ERG: variants seen among roughly 807,000 people sequenced by gnomAD.
ERG encodes ETS transcription factor ERG, also known as transcriptional regulator ERG.
In ERG, 9 loss-of-function variants were observed where a neutral mutation model predicts 55.3. That is an observed-to-expected ratio of 0.16 (90% CI 0.10 to 0.28). The LOEUF (loss-of-function observed/expected upper bound fraction) is 0.28. Among genes scored for constraint, ERG ranks in the 10% least tolerant of loss-of-function variants. ERG has a pLI of 1.00. For missense variants in ERG, 434 were observed against 631.6 expected (o/e 0.69, Z 3.35); for synonymous variants, 223 against 237.3 (o/e 0.94, Z 0.55).
At chr21:38,590,993 G>A (rs1445297621) in intron 1 of ERG, among the ~76,000 whole-genome samples, 1 of 152,222 alleles carries the variant, frequency 6.6e-6, no homozygotes, top group Non-Finnish European at 1.5e-5. Context: ...AGGGGCAAAA[G>A]AGTCTAAGTG....
chr21:38,382,600 G>T lies in ERG; in HGVS notation c.*803C>A. On this transcript the variant is annotated 3_prime_UTR_variant, in exon 10 of 10. Transcript: ENST00000288319. The stretch of plus-strand genomic sequence containing the variant: ...AACCCTCGAGTCTCCATAACTCATT[G>T]TACACAGTCCCCAAATGTCCTGAGT... 1 of 1,066,076 alleles carries T rather than the reference G, an allele frequency of 9.4e-7. No homozygotes were observed. The highest frequency in any genetic ancestry group is 1.1e-6 in the Non-Finnish European group (1 of 879,576). The allele number at this position is 1,066,076 out of a possible 1,614,324, so 66.0% of individuals were successfully genotyped here.
intron 1 of ERG, among the ~76,000 whole-genome samples, chr21:38,658,223 GA>G (rs2060531019): frequency 6.6e-6 from 1 of 152,212 alleles, no homozygotes; most frequent in Admixed American, 6.5e-5. Flanking sequence ...TGCATTCAGA[GA>G]GATCAGCTGT....
intron 3 of ERG, among the ~76,000 whole-genome samples, chr21:38,411,776 C>T (rs1288887249): frequency 6.6e-6 from 1 of 152,202 alleles, no homozygotes; most frequent in Non-Finnish European, 1.5e-5. Context: ...TTTAATGTCA[C>T]TGACCTATCA....
chr21:38,620,522 T>C (rs1355052108), intron 1 of ERG, among the ~76,000 whole-genome samples: 4 of 152,156 alleles, frequency 2.6e-5, no homozygotes, highest in South Asian at 4.1e-4. Flanking sequence ...ACAGGTTACA[T>C]TGTCTCACAG....
chr21:38,407,646 T>TATATATATATATATATATATATATATATA lies in ERG; in HGVS notation c.389-3938_389-3937insTATATATATATATATATATATATATATAT, dbSNP rs34894423. Among the ~76,000 whole-genome samples, 220 of 142,574 alleles carry TATATATATATATATATATATATATATATA rather than the reference T, an allele frequency of 1.5e-3. 9 individuals carry two copies. Among genetic ancestry groups the TATATATATATATATATATATATATATATA allele is most frequent in the African/African-American group, 5.7e-3 (214 of 37,394 alleles). The allele number at this position is 142,574 out of a possible 152,430, so 93.5% of individuals were successfully genotyped here. A position where few individuals can be genotyped will look rare whatever the true frequency, so the allele number is the denominator to read the frequency against. Reference sequence around the variant, plus strand: ...GGTCTTACAAAAGGTATATATATATTTAATGTATATTATATGTATACTATA... The same window carrying TATATATATATATATATATATATATATATA: ...GGTCTTACAAAAGGTATATATATATTATATATATATATATATATATATATATATATAATGTATATTATATGTATACTATA... On this transcript the variant is annotated intron_variant, in intron 3 of 9. Transcript: ENST00000288319.
chr21:38,433,721 C>A (rs1044637686), intron 2 of ERG, among the ~76,000 whole-genome samples: 2 of 152,174 alleles, frequency 1.3e-5, no homozygotes, highest in African/African-American at 4.8e-5. Context: ...CAGCCCCAAG[C>A]TCGCTGGCCA....
chr21:38,568,327 C>T (rs1017160307), intron 2 of ERG, among the ~76,000 whole-genome samples: 32 of 152,128 alleles, frequency 2.1e-4, no homozygotes, highest in Admixed American at 2.6e-4. Flanking sequence ...GATAATAAGT[C>T]TCACTGAGTG....
At chr21:38,421,063 G>A (rs1347684859) in intron 3 of ERG, among the ~76,000 whole-genome samples, 2 of 152,060 alleles carry the variant, frequency 1.3e-5, no homozygotes, top group Non-Finnish European at 1.5e-5. Flanking sequence ...CCTAGCCTTC[G>A]AGTTTTTCTT....
At chr21:38,456,678 G>A (rs978591330) in intron 1 of ERG, among the ~76,000 whole-genome samples, 14 of 152,300 alleles carry the variant, frequency 9.2e-5, no homozygotes, top group African/African-American at 2.4e-4. Context: ...GCTGACTTAC[G>A]TAGAAAGAGT....
Position 38,382,526 on chromosome 21 carries a change from G to A in ERG, c.*877C>T, listed in dbSNP as rs181891829. On this transcript the variant is annotated 3_prime_UTR_variant, in exon 10 of 10. Coordinates refer to ENST00000288319, the MANE Select transcript of ERG (RefSeq NM_182918.4). ...CTACTACTTCCCCTTTCTCCATTAC[G>A]CTGTGTCCTTTCTCCTAACACTGGG... 11 of 1,064,772 alleles carry A rather than the reference G, an allele frequency of 1.0e-5. No homozygotes were observed. The highest frequency in any genetic ancestry group is 1.0e-4 in the East Asian group (2 of 19,982). The allele number at this position is 1,064,772 out of a possible 1,614,324, so 66.0% of individuals were successfully genotyped here.
intron 1 of ERG, among the ~76,000 whole-genome samples, chr21:38,576,386 C>T (rs1186990471): frequency 6.6e-6 from 1 of 152,102 alleles, no homozygotes; most frequent in Non-Finnish European, 1.5e-5. Context: ...AGCGACAGAA[C>T]CAAACTTCAA....
At chr21:38,511,268 T>C (rs2059509569) in intron 2 of ERG, among the ~76,000 whole-genome samples, 1 of 152,198 alleles carries the variant, frequency 6.6e-6, no homozygotes, top group Non-Finnish European at 1.5e-5. Context: ...ATTTACTAAA[T>C]CTAAGAGGAA....
chr21:38,454,338 C>T (rs2058968508), intron 1 of ERG, among the ~76,000 whole-genome samples: 1 of 152,152 alleles, frequency 6.6e-6, no homozygotes, highest in Non-Finnish European at 1.5e-5. Context: ...TCTGCCCTTG[C>T]TCTGGGAATC....
intron 2 of ERG, among the ~76,000 whole-genome samples, chr21:38,444,809 A>G (rs2058874750): frequency 6.6e-6 from 1 of 151,938 alleles, no homozygotes; most frequent in Admixed American, 6.5e-5. Flanking sequence ...AGGGCAGACA[A>G]TGGAGATCCA....
At chr21:38,400,512 G>A (rs766707988) in intron 6 of ERG, 62 bp downstream of exon 6, 1 of 1,321,550 alleles carries the variant, frequency 7.6e-7, no homozygotes, top group Non-Finnish European at 1.1e-6. Flanking sequence ...TTAGGGCACG[G>A]ATCTCAGCAG....
intron 2 of ERG, among the ~76,000 whole-genome samples, chr21:38,557,012 G>C (rs778619271): frequency 6.6e-6 from 1 of 152,110 alleles, no homozygotes; most frequent in Non-Finnish European, 1.5e-5. Context: ...TAGAGTAGCC[G>C]TCACATAGAG....
At chr21:38,652,134 A>G (rs2060492035) in intron 1 of ERG, among the ~76,000 whole-genome samples, 1 of 152,152 alleles carries the variant, frequency 6.6e-6, no homozygotes, top group Non-Finnish European at 1.5e-5. Context: ...CCAACACTCC[A>G]GAGGATTTGG....
intron 1 of ERG, among the ~76,000 whole-genome samples, chr21:38,629,511 C>T (rs1025185463): frequency 3.3e-5 from 5 of 152,136 alleles, no homozygotes; most frequent in Non-Finnish European, 5.9e-5. Flanking sequence ...CTCCAAAGAC[C>T]ATTCTATGGC....
At chr21:38,378,419 G>A (rs1036364681), downstream of ERG, among the ~76,000 whole-genome samples, 1 of 152,186 alleles carries the variant, frequency 6.6e-6, no homozygotes, top group South Asian at 2.1e-4. Context: ...CTTGAATTTG[G>A]CCAATGGGCA....
Sources: allele counts gnomAD v4.1 joint callset (sites outside exome capture counted in the v4.1 genomes callset), GRCh38; gene constraint gnomAD v4.1.1; transcripts MANE v1.5; gene names NCBI Gene and HGNC (gene_info 2026-07-23, HGNC 2026-07-21).